The following KLHL41 variants were observed in gnomAD, a reference collection of about 807,000 sequenced individuals.
KLHL41 encodes kelch like family member 41.
A neutral mutation model predicts 49.2 loss-of-function variants in KLHL41; 31 were observed. That is an observed-to-expected ratio of 0.63 (90% confidence interval 0.47 to 0.85). KLHL41 has a LOEUF of 0.85. Among genes scored for constraint, KLHL41 ranks in the 40% least tolerant of loss-of-function variants. The pLI is 0.00. For missense variants in KLHL41, 663 were observed against 726.7 expected, an observed-to-expected ratio of 0.91 and a Z score of 1.01; for synonymous variants, 218 against 258.5, an observed-to-expected ratio of 0.84 and a Z score of 1.50.
chr2:169,517,059 C>G (rs1252870686), intron 3 of KLHL41, among the ~76,000 whole-genome samples: 1 of 151,988 alleles, frequency 6.6e-6, no homozygotes, highest in African/African-American at 2.4e-5. Context: ...TGCACCAGTT[C>G]CCACTAATGA....
At position 169,509,980 on chromosome 2, in the gene KLHL41, G is replaced by A; in HGVS notation, c.202G>A (p.Glu68Lys). 6.2e-7 allele frequency: 1 copy of A among 1,612,958 alleles called. No homozygotes were observed. The highest frequency in any genetic ancestry group is 8.5e-7 in the Non-Finnish European group (1 of 1,179,700). The change falls in exon 1 of 6, where the codon GAG (glutamate) becomes AAG (lysine). Residue 68 changes from glutamate (E) to lysine (K), a missense_variant. Glu to Lys is a moderately conservative substitution (Grantham distance 56, BLOSUM62 1). Transcript: ENST00000284669. ...FREYFLSEID[E>K]AKKKEVVLDN... Reference sequence around the variant, plus strand: ...TGAGTACTTTTTATCTGAAATTGATGAGGCGAAAAAAAAGGAGGTAGTGCT... The same window carrying A: ...TGAGTACTTTTTATCTGAAATTGATAAGGCGAAAAAAAAGGAGGTAGTGCT...
Position 169,510,688 on chromosome 2 carries a change from G to T in KLHL41, c.910G>T (p.Asp304Tyr). 1 of 1,614,108 alleles carries T rather than the reference G, an allele frequency of 6.2e-7. No individual in the cohort carries two copies. The highest frequency in any genetic ancestry group is 8.5e-7 in the Non-Finnish European group (1 of 1,180,006). The change falls in exon 1 of 6, where the codon GAC becomes TAC. Residue 304 changes from aspartate (D) to tyrosine (Y), a missense_variant. This residue lies in a region of KLHL41 where 528 missense variants were observed against 581.0 expected (regional missense o/e 0.91). Coordinates refer to ENST00000284669, the MANE Select transcript of KLHL41 (RefSeq NM_006063.3). This position sits in a 1 kb window ranked among gnomAD's most constrained non-coding sequence, Gnocchi z 4.2. ...TCCCAGGCATGGAATGTTTGTAAAA[G>T]ACCTCATCCTCTTGGTTAATGACAC... The part of the protein sequence containing the change: ...DIPRHGMFVK[D>Y]LILLVNDTAA...
intron 1 of KLHL41, 145 bp downstream of exon 1, chr2:169,511,033 G>T (rs1396575530): frequency 3.0e-6 from 2 of 676,568 alleles, no homozygotes; most frequent in African/African-American, 1.8e-5. Flanking sequence ...TTGCTGTATA[G>T]AGCGTTGACA....
intron 3 of KLHL41, among the ~76,000 whole-genome samples, chr2:169,517,826 A>G (rs1684138631): frequency 1.3e-5 from 2 of 152,224 alleles, no homozygotes. Flanking sequence ...GGATATTCAG[A>G]TAATAAATAA....
At chr2:169,524,049 A>C (rs1684261462) in intron 5 of KLHL41, among the ~76,000 whole-genome samples, 1 of 151,142 alleles carries the variant, frequency 6.6e-6, no homozygotes, top group African/African-American at 2.5e-5. Flanking sequence ...TTTTCTTGAA[A>C]TCATTCCATT....
chr2:169,510,491 A>C lies in KLHL41; in HGVS notation c.713A>C (p.Lys238Thr). Residue 238 changes from lysine (K) to threonine (T), a missense_variant, in exon 1 of 6, where the codon AAA (lysine) becomes ACA (threonine). Coordinates refer to ENST00000284669, the MANE Select transcript of KLHL41 (RefSeq NM_006063.3). This position sits in a 1 kb window ranked among gnomAD's most constrained non-coding sequence, Gnocchi z 4.2. ...TEKYFKDHVEKDDIIKSNPDL... is the reference protein window; with the variant it reads ...TEKYFKDHVETDDIIKSNPDL... ...AAATATTTTAAGGATCATGTTGAGA[A>C]AGATGATATAATTAAAAGCAACCCA... The C allele has an allele frequency of 6.2e-7, 1 of 1,613,904 alleles. No homozygotes were observed. Among genetic ancestry groups the C allele is most frequent in the South Asian group, 1.1e-5 (1 of 91,020 alleles).
chr2:169,518,093 C>T (rs1684142146), intron 3 of KLHL41, 97 bp from the exon 4 acceptor site: 1 of 794,004 alleles, frequency 1.3e-6, no homozygotes, highest in South Asian at 2.0e-5. Context: ...GTTTTCTGAT[C>T]CTACTATATA....
At chr2:169,522,211 G>A (rs1193901451) in intron 5 of KLHL41, among the ~76,000 whole-genome samples, 1 of 152,134 alleles carries the variant, frequency 6.6e-6, no homozygotes, top group Non-Finnish European at 1.5e-5. Flanking sequence ...TTAACCAGCA[G>A]ATGCTTTATT....
rs753228241 is a variant in KLHL41 at position 169,510,645 on chromosome 2, T to C, written c.867T>C (p.Pro289=). Residue 289 remains proline (P), a synonymous_variant, in exon 1 of 6, where the codon CCT becomes CCC. Transcript: ENST00000284669. The surrounding 1 kb of genome is among the most constrained non-coding windows in gnomAD (Gnocchi z 4.2). ...NGDVGDEDLL[P]GYLNDIPRHG... ...ATGTTGGTGATGAAGATTTACTTCC[T>C]GGTTACCTGAATGACATTCCCAGGC... 20 of 1,614,164 alleles carry C rather than the reference T, an allele frequency of 1.2e-5. No individual in the cohort carries two copies. Among genetic ancestry groups the C allele is most frequent in the Middle Eastern group, 1.6e-4 (1 of 6,062 alleles).
chr2:169,520,858 T>G lies in KLHL41; in HGVS notation c.1563-3T>G. ...CATTGACTATATTTTTAATGATACC[T>G]AGATGGGATGTAATGACCGAATTTC... is the stretch of plus-strand genomic sequence containing the variant. On this transcript the variant is annotated splice_polypyrimidine_tract_variant and splice_region_variant and intron_variant, in intron 4 of 5. Coordinates refer to ENST00000284669, the MANE Select transcript of KLHL41 (RefSeq NM_006063.3). 2 of 1,602,884 alleles carry G rather than the reference T, an allele frequency of 1.2e-6. No individual in the cohort carries two copies. Among genetic ancestry groups the G allele is most frequent in the Non-Finnish European group, 1.7e-6 (2 of 1,170,826 alleles).
rs757691431 is a variant in KLHL41, at chr2:169,510,914, G to A, written c.1110+26G>A. 17 of 1,587,724 alleles carry A rather than the reference G, an allele frequency of 1.1e-5. No individual in the cohort carries two copies. The highest frequency in any genetic ancestry group is 1.7e-5 in the Admixed American group (1 of 58,294). The stretch of plus-strand genomic sequence containing the variant: ...GTAAGAAGGACTTTTTGTATATGTA[G>A]TTGCTTAAAGGGAAGGCTGTTACTC... On this transcript the variant is annotated intron_variant, in intron 1 of 5. Transcript: ENST00000284669. This position sits in a 1 kb window ranked among gnomAD's most constrained non-coding sequence, Gnocchi z 4.2.
In KLHL41 at chr2:169,510,408, CAG is replaced by C; in HGVS notation, c.631_632del (p.Arg211GlyfsTer2). On this transcript the variant is annotated frameshift_variant, in exon 1 of 6. Transcript: ENST00000284669. LOFTEE classifies it high-confidence loss of function. The surrounding 1 kb of genome is among the most constrained non-coding windows in gnomAD (Gnocchi z 4.2). ...MKWVRTDKENRVKNLSEVFDC... is the reference protein window; with the variant it reads ...MKWVRTDKENXVKNLSEVFDC... ...AATGGGTGCGAACAGACAAGGAAAA[CAG>C]GGTTAAAAACCTTAGTGAAGTGTTT... 1.2e-6 allele frequency: 2 copies of C among 1,613,988 alleles called. No individual in the cohort carries two copies. Among genetic ancestry groups the C allele is most frequent in the South Asian group, 2.2e-5 (2 of 91,066 alleles).
In KLHL41 at chr2:169,522,705, A is replaced by ATTT. The variant is rs60635668; in HGVS notation, c.1709+1728_1709+1730dup. ...CCTAGTTCCTAAAACCTTCCCAGTG[A>ATTT]TTTTTTTTTTTTTTTTTTTTTTTTT... is the stretch of plus-strand genomic sequence containing the variant. On this transcript the variant is annotated intron_variant, in intron 5 of 5. Coordinates refer to ENST00000284669, the MANE Select transcript of KLHL41 (RefSeq NM_006063.3). Among the ~76,000 whole-genome samples, 190 of 50,120 alleles carry ATTT rather than the reference A, an allele frequency of 3.8e-3. 19 individuals are homozygous for ATTT. The highest frequency in any genetic ancestry group is 0.012 in the African/African-American group (143 of 12,052). The allele number at this position is 50,120 out of a possible 152,430, so 32.9% of individuals were successfully genotyped here.
chr2:169,519,651 CTTT>C (rs11384512), intron 4 of KLHL41, among the ~76,000 whole-genome samples: 7 of 138,468 alleles, frequency 5.1e-5, no homozygotes, highest in Non-Finnish European at 7.7e-5. Context: ...TTTTCTCAAA[CTTT>C]TTTTTTTTTT....
intron 4 of KLHL41, among the ~76,000 whole-genome samples, chr2:169,519,700 G>C (rs1324131274): frequency 6.7e-6 from 1 of 150,010 alleles, no homozygotes; most frequent in Non-Finnish European, 1.5e-5. Context: ...ACACAGGCTG[G>C]AGTACAGATT....
chr2:169,510,743 A>T lies in KLHL41; in HGVS notation c.965A>T (p.Asn322Ile). 6.2e-7 allele frequency: 1 copy of T among 1,614,194 alleles called. No individual in the cohort carries two copies. The highest frequency in any genetic ancestry group is 8.5e-7 in the Non-Finnish European group (1 of 1,180,048). Residue 322 changes from asparagine (N) to isoleucine (I), a missense_variant, in exon 1 of 6, where the codon AAT becomes ATT. By Grantham distance (149) the Asn-to-Ile change is moderately radical. Transcript: ENST00000284669. This position sits in a 1 kb window ranked among gnomAD's most constrained non-coding sequence, Gnocchi z 4.2. ...GCAGTGGCTTATGACCCCACGGAAA[A>T]TGAATGCTACCTTACTGCACTGGCT... Reference protein sequence around the residue: ...TAAVAYDPTENECYLTALAEQ... With the variant: ...TAAVAYDPTEIECYLTALAEQ...
At chr2:169,513,007 C>A (rs1278026276) in intron 1 of KLHL41, among the ~76,000 whole-genome samples, 2 of 152,080 alleles carry the variant, frequency 1.3e-5, no homozygotes, top group Non-Finnish European at 2.9e-5. Context: ...GAAAGTTGAA[C>A]TCAGAGAAGT....
At chr2:169,514,786 A>G in intron 2 of KLHL41, 55 bp downstream of exon 2, 1 of 1,595,894 alleles carries the variant, frequency 6.3e-7, no homozygotes, top group Non-Finnish European at 8.6e-7. Context: ...GCGTGCCTAC[A>G]ACATATTCAT....
intron 4 of KLHL41, among the ~76,000 whole-genome samples, chr2:169,520,034 C>G (rs1326159535): frequency 6.6e-6 from 1 of 152,030 alleles, no homozygotes; most frequent in Non-Finnish European, 1.5e-5. Context: ...GGGTTTTGCT[C>G]TATCACCCAG....
Sources: allele counts gnomAD v4.1 joint callset (sites outside exome capture counted in the v4.1 genomes callset), GRCh38; gene constraint gnomAD v4.1.1; regional missense constraint gnomAD v4.1.1; non-coding constraint Gnocchi (gnomAD v3.1); transcripts MANE v1.5; gene names NCBI Gene and HGNC (gene_info 2026-07-23, HGNC 2026-07-21).